Variants in GLI3 observed in about 807,000 individuals in gnomAD.
GLI3 encodes GLI family zinc finger 3, also known as transcription activator GLI3.
GLI3 carries 20 observed loss-of-function variants against 100.8 expected under a neutral mutation model. That is an observed-to-expected ratio of 0.20 (90% CI 0.14 to 0.29). GLI3 has a LOEUF of 0.29. GLI3 is among the 10% of genes least tolerant of loss of function. The pLI is 1.00. For synonymous variants in GLI3, 938 were observed against 860.5 expected (o/e 1.09, Z -1.58); for missense variants, 2,040 against 2,128.5 (o/e 0.96, Z 0.82).
chr7:42,177,285 G>A (rs764835946), intron 2 of GLI3, among the ~76,000 whole-genome samples: 66 of 152,092 alleles, frequency 4.3e-4, no homozygotes, highest in African/African-American at 1.3e-3. Flanking sequence ...GAGGAGAGAC[G>A]GAGGCAGCAG....
Position 41,964,879 on chromosome 7 carries a change from C to T in GLI3, c.4194G>A (p.Pro1398=). ...SFGGSRRQAM[P]RDSLALQSGQ... is the part of the protein sequence containing the mutation. Reference sequence around the variant, plus strand: ...CTGACTGCAGAGCAAGGCTGTCCCTCGGCATAGCCTGGCGCCTGCTGCCCC... The same window carrying T: ...CTGACTGCAGAGCAAGGCTGTCCCTTGGCATAGCCTGGCGCCTGCTGCCCC... The change falls in exon 15 of 15, where the codon CCG becomes CCA. Residue 1398 remains proline (P), a synonymous_variant. Coordinates refer to ENST00000395925, the MANE Select transcript of GLI3 (RefSeq NM_000168.6). 1 of 1,613,834 alleles carries T rather than the reference C, an allele frequency of 6.2e-7. No individual in the cohort carries two copies. The highest frequency in any genetic ancestry group is 1.1e-5 in the South Asian group (1 of 91,084).
chr7:41,966,200 G>A lies in GLI3; in HGVS notation c.2873C>T (p.Ala958Val), dbSNP rs373918769. The part of the protein sequence containing the change: ...MERMSLKTRL[A>V]LLGDALEPGV... ...AGGCTCGAGGGCATCCCCGAGCAGC[G>A]CCAGGCGCGTCTTCAGGCTCATCCT... is the stretch of plus-strand genomic sequence containing the variant. Residue 958 changes from alanine to valine, a missense_variant, in exon 15 of 15, where the codon GCG becomes GTG. Physicochemically the swap from Ala to Val is moderately conservative, Grantham distance 64 (BLOSUM62 0). Coordinates refer to ENST00000395925, the MANE Select transcript of GLI3 (RefSeq NM_000168.6). The surrounding 1 kb of genome is among the most constrained non-coding windows in gnomAD (Gnocchi z 5.8). 10 of 1,606,212 alleles carry A rather than the reference G, an allele frequency of 6.2e-6. No individual in the cohort carries two copies. The African/African-American group carries it at 9.4e-5, about 15-fold the overall frequency.
chr7:42,262,631 T>C (rs1789157821), intron 1 of GLI3, among the ~76,000 whole-genome samples: 2 of 152,162 alleles, frequency 1.3e-5, no homozygotes, highest in African/African-American at 4.8e-5. Context: ...TGGTTCAGCA[T>C]GTTTAAGAGT....
chr7:42,179,706 GGT>G (rs1057181481), intron 2 of GLI3, among the ~76,000 whole-genome samples: 10 of 152,044 alleles, frequency 6.6e-5, no homozygotes, highest in Non-Finnish European at 1.0e-4. Flanking sequence ...AGGGGGTATG[GGT>G]GTGTGTATGT....
In GLI3 at chr7:41,962,373, T is replaced by C. The variant is rs979623023; in HGVS notation, c.*1957A>G. 1.3e-5 allele frequency: 2 copies of C among 152,248 alleles called. No individual in the cohort carries two copies. Among genetic ancestry groups the C allele is most frequent in the African/African-American group, 4.8e-5 (2 of 41,464 alleles). 9.4% of individuals were successfully genotyped at this position (152,248 alleles called of 1,614,324 possible). The stretch of plus-strand genomic sequence containing the variant: ...GATTCTGTGACAACATTATGCCTTG[T>C]TTCAGAAACACAGAGAAAGTCTTGC... On this transcript the variant is annotated 3_prime_UTR_variant, in exon 15 of 15. Coordinates refer to ENST00000395925, the MANE Select transcript of GLI3 (RefSeq NM_000168.6).
At chr7:42,257,620 A>C (rs912204621) in intron 1 of GLI3, among the ~76,000 whole-genome samples, 1 of 152,146 alleles carries the variant, frequency 6.6e-6, no homozygotes, top group Non-Finnish European at 1.5e-5. Flanking sequence ...CTGGGATTAC[A>C]GGCATGAGCC....
At chr7:42,066,114 C>T (rs1474518144) in intron 4 of GLI3, among the ~76,000 whole-genome samples, 1 of 152,070 alleles carries the variant, frequency 6.6e-6, no homozygotes, top group African/African-American at 2.4e-5. Context: ...GTTGTCAGAG[C>T]AAGGCCAGGG....
chr7:42,199,738 G>T (rs1156367275), intron 2 of GLI3, among the ~76,000 whole-genome samples: 1 of 152,188 alleles, frequency 6.6e-6, no homozygotes, highest in Non-Finnish European at 1.5e-5. Flanking sequence ...CCAAGGAGAA[G>T]ATATTTAATA....
intron 2 of GLI3, among the ~76,000 whole-genome samples, chr7:42,184,593 T>TAATG (rs1210680571): frequency 1.3e-5 from 2 of 152,170 alleles, no homozygotes; most frequent in Non-Finnish European, 2.9e-5. Flanking sequence ...TGAATTGTTT[T>TAATG]AATGAATGAA....
Position 41,962,244 on chromosome 7 carries a change from A to G in GLI3, c.*2086T>C, listed in dbSNP as rs1007502628. 1.3e-5 allele frequency: 2 copies of G among 152,258 alleles called. No individual in the cohort carries two copies. Among genetic ancestry groups the G allele is most frequent in the African/African-American group, 4.8e-5 (2 of 41,460 alleles). 9.4% of individuals were successfully genotyped at this position (152,258 alleles called of 1,614,324 possible). On this transcript the variant is annotated 3_prime_UTR_variant, in exon 15 of 15. Transcript: ENST00000395925. ...GAGGAGTGGAGAACACTCAGGCCCC[A>G]TGCTTTGAAAACAAGAGTTGGAAAG...
At position 41,967,632 on chromosome 7, in the gene GLI3, G is replaced by C. The variant is rs747717830; in HGVS notation, c.2395C>G (p.Pro799Ala). Residue 799 changes from proline to alanine, a missense_variant, in exon 14 of 15, where the codon CCT becomes GCT. By Grantham distance (27) the Pro-to-Ala change is conservative (BLOSUM62 -1). Around this residue, in one of 5 missense-constraint regions of GLI3, gnomAD observed 327 missense variants for 338.7 expected, o/e 0.97. Coordinates refer to ENST00000395925, the MANE Select transcript of GLI3 (RefSeq NM_000168.6). ...MFPRLNPILP[P>A]KAPAVSPLIG... is the part of the protein sequence containing the mutation. Reference sequence around the variant, plus strand: ...AGAGGAGAGACCGCAGGGGCTTTAGGGGGTAGAATGGGGTTCAGTCGCGGA... The same window carrying C: ...AGAGGAGAGACCGCAGGGGCTTTAGCGGGTAGAATGGGGTTCAGTCGCGGA... The C allele has an allele frequency of 6.2e-6, 10 of 1,613,734 alleles. 1 individual carries two copies. The highest frequency in any genetic ancestry group is 2.2e-5 in the East Asian group (1 of 44,884).
At chr7:42,229,450 T>A (rs1788651939) in intron 1 of GLI3, among the ~76,000 whole-genome samples, 1 of 152,196 alleles carries the variant, frequency 6.6e-6, no homozygotes, top group Non-Finnish European at 1.5e-5. Context: ...TAGGGAACTA[T>A]TACTCCAGTG....
At chr7:42,250,101 A>T (rs527657155) in intron 1 of GLI3, among the ~76,000 whole-genome samples, 4,887 of 61,540 alleles carry the variant, frequency 0.079, 239 homozygotes, top group African/African-American at 0.15. Flanking sequence ...TCTCAACAAC[A>T]AAAAAAAAGT....
chr7:42,238,129 C>T (rs62443828), upstream of GLI3, among the ~76,000 whole-genome samples: 1 of 151,504 alleles, frequency 6.6e-6, no homozygotes, highest in African/African-American at 2.4e-5. Flanking sequence ...TCCCGGCGCG[C>T]CGAAGCCCCA....
At chr7:42,058,591 C>T (rs1275973911) in intron 4 of GLI3, among the ~76,000 whole-genome samples, 1 of 152,096 alleles carries the variant, frequency 6.6e-6, no homozygotes, top group Non-Finnish European at 1.5e-5. Flanking sequence ...GTCTAGCTGA[C>T]ACATTAGTCT....
At chr7:42,256,940 T>A (rs978522720) in intron 1 of GLI3, among the ~76,000 whole-genome samples, 1 of 152,220 alleles carries the variant, frequency 6.6e-6, no homozygotes, top group Non-Finnish European at 1.5e-5. Flanking sequence ...TTAGATCTCC[T>A]TTAATTTTTC....
At chr7:41,990,396 A>T (rs1787952085) in intron 10 of GLI3, among the ~76,000 whole-genome samples, 1 of 152,172 alleles carries the variant, frequency 6.6e-6, no homozygotes, top group Non-Finnish European at 1.5e-5. Context: ...TTCAAAAGTT[A>T]AGAATAAAAT....
intron 13 of GLI3, among the ~76,000 whole-genome samples, chr7:41,970,317 A>G (rs1352665422): frequency 6.6e-6 from 1 of 152,178 alleles, no homozygotes; most frequent in African/African-American, 2.4e-5. Context: ...TGTAAATTTC[A>G]TGTTTATTAG....
chr7:42,078,639 A>G (rs977041299), intron 3 of GLI3, among the ~76,000 whole-genome samples: 1 of 152,052 alleles, frequency 6.6e-6, no homozygotes. Flanking sequence ...TTGATCTTGT[A>G]TCACTGTCAC....
Sources: allele counts gnomAD v4.1 joint callset (sites outside exome capture counted in the v4.1 genomes callset), GRCh38; gene constraint gnomAD v4.1.1; regional missense constraint gnomAD v4.1.1; non-coding constraint Gnocchi (gnomAD v3.1); transcripts MANE v1.5; gene names NCBI Gene and HGNC (gene_info 2026-07-23, HGNC 2026-07-21).